NFASC: variants seen among roughly 807,000 people sequenced by gnomAD.
NFASC encodes neurofascin homolog.
Under a neutral mutation model 147.5 loss-of-function variants are expected in NFASC, and 43 were observed. That is an observed-to-expected ratio of 0.29 (90% CI 0.23 to 0.38). The LOEUF is 0.38. Ranked by LOEUF, NFASC falls within the 10% of genes least tolerant of loss-of-function variation. The pLI is 1.00. For synonymous variants in NFASC, 622 were observed against 665.5 expected (o/e 0.93, Z 1.01); for missense variants, 1,320 against 1,689.0 (o/e 0.78, Z 3.83).
chr1:204,996,079 T>G (rs943528586), intron 24 of NFASC, among the ~76,000 whole-genome samples: 1 of 152,040 alleles, frequency 6.6e-6, no homozygotes, highest in Non-Finnish European at 1.5e-5. Context: ...ATATTAGATC[T>G]GCGGGTAAGG....
intron 24 of NFASC, among the ~76,000 whole-genome samples, chr1:204,993,034 T>C (rs1158745486): frequency 6.6e-6 from 1 of 152,230 alleles, no homozygotes; most frequent in Non-Finnish European, 1.5e-5. Flanking sequence ...TAACATCAGC[T>C]GTTCTCAGCT....
At chr1:204,976,648 A>G (rs2095412090) in intron 15 of NFASC, 23 bp from the exon 16 acceptor site, 2 of 1,587,956 alleles carry the variant, frequency 1.3e-6, no homozygotes, top group Non-Finnish European at 1.7e-6. Context: ...CCTCCTCCCA[A>G]CCCTTCCTCG....
intron 1 of NFASC, among the ~76,000 whole-genome samples, chr1:204,916,043 A>G (rs1341696130): frequency 6.6e-6 from 1 of 151,906 alleles, no homozygotes; most frequent in Non-Finnish European, 1.5e-5. Flanking sequence ...TTCCACACCT[A>G]CTCTCCTTGC....
chr1:204,858,072 G>C (rs955796317), intron 1 of NFASC, among the ~76,000 whole-genome samples: 7 of 151,658 alleles, frequency 4.6e-5, no homozygotes, highest in African/African-American at 1.7e-4. Context: ...GGCGCCTGCC[G>C]TAACCCCCAG....
At chr1:204,856,733 C>A (rs2076192486) in intron 1 of NFASC, among the ~76,000 whole-genome samples, 1 of 152,130 alleles carries the variant, frequency 6.6e-6, no homozygotes, top group African/African-American at 2.4e-5. Flanking sequence ...ATGAATTTGC[C>A]TTTTCTGGAT....
chr1:204,861,551 G>A (rs944750071), intron 1 of NFASC, among the ~76,000 whole-genome samples: 1 of 152,096 alleles, frequency 6.6e-6, no homozygotes, highest in Non-Finnish European at 1.5e-5. Context: ...GTGCAGTGGC[G>A]TGATCTCAGC....
rs777386384 is a variant in NFASC, at chr1:205,002,710, G to T, written c.3251G>T (p.Gly1084Val). 15 of 1,573,586 alleles carry T rather than the reference G, an allele frequency of 9.5e-6. No individual in the cohort carries two copies. Among genetic ancestry groups the T allele is most frequent in the Non-Finnish European group, 1.3e-5 (15 of 1,150,862 alleles). ...TLRVYSRDNE[G>V]ISSTVITFMT... is the part of the protein sequence containing the mutation. ...CGGGTTTATTCCCGGGACAACGAGG[G>T]CATCAGCAGTACCGTCATCACCTTT... The change falls in exon 27 of 30, where the codon GGC becomes GTC. Residue 1084 changes from glycine to valine, a missense_variant. Around this residue, in one of 3 missense-constraint regions of NFASC, gnomAD observed 167 missense variants for 233.8 expected, o/e 0.71. Transcript: ENST00000339876.
At chr1:204,901,949 T>A (rs2084711419) in intron 1 of NFASC, among the ~76,000 whole-genome samples, 1 of 152,128 alleles carries the variant, frequency 6.6e-6, no homozygotes, top group African/African-American at 2.4e-5. Flanking sequence ...TTTTGGTGAC[T>A]TGTTTTCTCA....
At chr1:204,911,998 G>A (rs901974250) in intron 1 of NFASC, among the ~76,000 whole-genome samples, 1 of 152,110 alleles carries the variant, frequency 6.6e-6, no homozygotes, top group Non-Finnish European at 1.5e-5. Context: ...TCTTGAGATT[G>A]ATAATTGAGT....
chr1:204,875,522 T>G (rs146928844), intron 1 of NFASC, among the ~76,000 whole-genome samples: 194 of 152,286 alleles, frequency 1.3e-3, no homozygotes, highest in Admixed American at 2.3e-3. Context: ...TTAAGGTGCT[T>G]CTTTTCCCTA....
intron 1 of NFASC, among the ~76,000 whole-genome samples, chr1:204,835,700 G>A (rs1037387641): frequency 3.3e-5 from 5 of 152,104 alleles, no homozygotes; most frequent in African/African-American, 1.2e-4. Context: ...AGCAGTATAT[G>A]GAGACAAAAA....
intron 2 of NFASC, among the ~76,000 whole-genome samples, chr1:204,936,118 AGTC>A (rs2092801841): frequency 6.6e-6 from 1 of 151,030 alleles, no homozygotes; most frequent in African/African-American, 2.4e-5. Flanking sequence ...AAGGCCCCTG[AGTC>A]ATTTTCGGAA....
intron 19 of NFASC, among the ~76,000 whole-genome samples, chr1:204,980,159 A>G (rs1394991903): frequency 6.6e-6 from 1 of 152,232 alleles, no homozygotes; most frequent in African/African-American, 2.4e-5. Flanking sequence ...AATTCAGAAG[A>G]AATTAGCCCT....
At chr1:204,847,675 C>T (rs1260962117) in intron 1 of NFASC, among the ~76,000 whole-genome samples, 3 of 152,192 alleles carry the variant, frequency 2.0e-5, no homozygotes, top group African/African-American at 7.2e-5. Context: ...CTGCCATTCC[C>T]CCTCCTCTAC....
chr1:204,870,784 A>C (rs2077553285), intron 1 of NFASC: 2 of 1,170,138 alleles, frequency 1.7e-6, no homozygotes, highest in Non-Finnish European at 2.1e-6. Context: ...TGAGATAATA[A>C]AGCCCTGTTT....
At chr1:204,919,896 G>A (rs1306185533) in intron 1 of NFASC, among the ~76,000 whole-genome samples, 7 of 152,128 alleles carry the variant, frequency 4.6e-5, no homozygotes, top group Admixed American at 4.6e-4. Flanking sequence ...TGGGATTACA[G>A]GTGTGACCCA....
intron 3 of NFASC, among the ~76,000 whole-genome samples, chr1:204,945,383 G>T (rs2093653902): frequency 6.6e-6 from 1 of 152,232 alleles, no homozygotes; most frequent in Admixed American, 6.5e-5. Context: ...AGGGGGGCAG[G>T]AGAGTAATAC....
At chr1:204,946,867 TG>T in intron 3 of NFASC, 1 of 470,030 alleles carries the variant, frequency 2.1e-6, no homozygotes, top group Admixed American at 2.2e-5. Flanking sequence ...CCAGCCGCCC[TG>T]GACCGCCTCA....
rs16854917 is a variant in NFASC, at chr1:204,995,546, G to A, written c.2783-1624G>A. On this transcript the variant is annotated intron_variant, in intron 24 of 29. Coordinates refer to ENST00000339876, the MANE Select transcript of NFASC (RefSeq NM_001005388.3). Reference sequence around the variant, plus strand: ...CTGTGGGTTGACCGGGGTTTGGGGAGTATAGCATTGTGAGCTTTGAGCCTG... The same window carrying A: ...CTGTGGGTTGACCGGGGTTTGGGGAATATAGCATTGTGAGCTTTGAGCCTG... Among the ~76,000 whole-genome samples, 611 of 152,222 alleles carry A rather than the reference G, an allele frequency of 4.0e-3. 3 individuals are homozygous for A. Among genetic ancestry groups the A allele is most frequent in the African/African-American group, 0.014 (583 of 41,520 alleles).
Sources: allele counts gnomAD v4.1 joint callset (sites outside exome capture counted in the v4.1 genomes callset), GRCh38; gene constraint gnomAD v4.1.1; regional missense constraint gnomAD v4.1.1; transcripts MANE v1.5; gene names NCBI Gene and HGNC (gene_info 2026-07-23, HGNC 2026-07-21).